The following GRIK2 variants were observed in gnomAD, a reference collection of about 807,000 sequenced individuals.
The protein encoded by GRIK2 is glutamate ionotropic receptor kainate type subunit 2, also known as glutamate receptor ionotropic, kainate 2.
A neutral mutation model predicts 100.3 loss-of-function variants in GRIK2; 32 were observed. That is an observed-to-expected ratio of 0.32 (90% CI 0.24 to 0.43). GRIK2 has a LOEUF of 0.43. Ranked by LOEUF, GRIK2 falls within the 20% of genes least tolerant of loss-of-function variation. The probability of loss-of-function intolerance (pLI) is 1.00; values close to 1 mark genes in which losing one functional copy is unlikely to be tolerated. For missense variants in GRIK2, 843 were observed against 1,114.9 expected, an observed-to-expected ratio of 0.76 and a Z score of 3.47; for synonymous variants, 417 against 389.4, an observed-to-expected ratio of 1.07 and a Z score of -0.83.
intron 9 of GRIK2, among the ~76,000 whole-genome samples, chr6:101,808,167 TATTC>T (rs761202613): frequency 2.0e-5 from 3 of 151,970 alleles, no homozygotes; most frequent in Non-Finnish European, 2.9e-5. Context: ...GTTACAGAAA[TATTC>T]AGGAAGATCT....
chr6:101,815,581 G>A (rs1477414668), intron 9 of GRIK2, among the ~76,000 whole-genome samples: 1 of 150,272 alleles, frequency 6.7e-6, no homozygotes, highest in Non-Finnish European at 1.5e-5. Context: ...AATTCTGTAA[G>A]GTCAACAGTG....
intron 11 of GRIK2, among the ~76,000 whole-genome samples, chr6:101,874,368 T>G (rs932054026): frequency 3.9e-5 from 6 of 152,176 alleles, no homozygotes; most frequent in East Asian, 1.9e-4. Flanking sequence ...TTTCCCCATT[T>G]CTTGTTTTTG....
At chr6:101,845,741 T>C (rs145564528) in intron 10 of GRIK2, among the ~76,000 whole-genome samples, 18 of 152,332 alleles carry the variant, frequency 1.2e-4, no homozygotes, top group Non-Finnish European at 2.2e-4. Context: ...TGCCAATATT[T>C]TTTTTATAGC....
intron 2 of GRIK2, among the ~76,000 whole-genome samples, chr6:101,534,685 A>G (rs1299009515): frequency 6.6e-6 from 1 of 151,836 alleles, no homozygotes; most frequent in Non-Finnish European, 1.5e-5. Context: ...TATCCTATAA[A>G]CCCTCAAAAA....
chr6:101,669,196 TTTAA>T (rs1412518249), intron 4 of GRIK2, among the ~76,000 whole-genome samples: 14 of 152,160 alleles, frequency 9.2e-5, no homozygotes, highest in Non-Finnish European at 1.8e-4. Context: ...AAGGGGACAC[TTTAA>T]TTAAAAGGCT....
At position 101,539,786 on chromosome 6, in the gene GRIK2, A is replaced by AT. The variant is rs1220493349; in HGVS notation, c.116-82154dup. Among the ~76,000 whole-genome samples, 30 of 151,216 alleles carry AT rather than the reference A, an allele frequency of 2.0e-4. No individual in the cohort carries two copies. In the East Asian group the frequency reaches 3.3e-3, roughly 17 times the overall value. On this transcript the variant is annotated intron_variant, in intron 2 of 16. Coordinates refer to ENST00000369134, the MANE Select transcript of GRIK2 (RefSeq NM_021956.5). ...AAAAAAATTTTGTTTTGGCTGTAGG[A>AT]TTTTTTTTTAATTTTAACATACCAG... is the stretch of plus-strand genomic sequence containing the variant.
chr6:101,764,624 G>A (rs545149037), intron 7 of GRIK2, among the ~76,000 whole-genome samples: 1 of 152,154 alleles, frequency 6.6e-6, no homozygotes, highest in South Asian at 2.1e-4. Context: ...GGGAGTTATT[G>A]TAGCCTCCCT....
chr6:102,028,686 C>G (rs1769829803), intron 14 of GRIK2, among the ~76,000 whole-genome samples: 1 of 149,130 alleles, frequency 6.7e-6, no homozygotes, highest in Admixed American at 6.7e-5. Context: ...TGGCTAATTA[C>G]TCTGTATAAT....
intron 7 of GRIK2, among the ~76,000 whole-genome samples, chr6:101,688,549 G>A (rs751968035): frequency 6.6e-6 from 1 of 151,916 alleles, no homozygotes; most frequent in Non-Finnish European, 1.5e-5. Flanking sequence ...GATATTAGGA[G>A]AATTACAAAT....
chr6:101,489,200 T>C (rs1334344219), intron 2 of GRIK2, among the ~76,000 whole-genome samples: 2 of 146,162 alleles, frequency 1.4e-5, no homozygotes, highest in Non-Finnish European at 3.0e-5. Context: ...AACAAGGAGA[T>C]GATACACAGC....
intron 7 of GRIK2, among the ~76,000 whole-genome samples, chr6:101,732,205 G>A (rs1053547463): frequency 6.6e-6 from 1 of 151,526 alleles, no homozygotes. Context: ...AATTGATCTA[G>A]TCCTTTGGGA....
chr6:101,434,377 C>A (rs1436613726), intron 2 of GRIK2, among the ~76,000 whole-genome samples: 1 of 152,148 alleles, frequency 6.6e-6, no homozygotes, highest in East Asian at 1.9e-4. Flanking sequence ...AATTTCAGAG[C>A]TAGAAGGGAT....
intron 2 of GRIK2, among the ~76,000 whole-genome samples, chr6:101,499,181 A>G (rs1410911040): frequency 2.0e-5 from 3 of 152,294 alleles, no homozygotes; most frequent in Admixed American, 6.5e-5. Flanking sequence ...TAATACTGTT[A>G]TAAATACTGT....
At chr6:101,653,773 C>T (rs1382506043) in intron 4 of GRIK2, among the ~76,000 whole-genome samples, 1 of 152,000 alleles carries the variant, frequency 6.6e-6, no homozygotes, top group Non-Finnish European at 1.5e-5. Context: ...TTGCCTGCCA[C>T]CACGCCTGGC....
chr6:101,429,064 G>A (rs1193616984), intron 2 of GRIK2, among the ~76,000 whole-genome samples: 1 of 152,142 alleles, frequency 6.6e-6, no homozygotes, highest in African/African-American at 2.4e-5. Flanking sequence ...ACTAAACATT[G>A]TGTGTTTTGC....
chr6:101,437,365 A>G (rs1769779294), intron 2 of GRIK2, among the ~76,000 whole-genome samples: 1 of 152,260 alleles, frequency 6.6e-6, no homozygotes, highest in African/African-American at 2.4e-5. Context: ...CATAATAGAA[A>G]CATCATGTGG....
At chr6:101,730,642 T>G (rs577030980) in intron 7 of GRIK2, among the ~76,000 whole-genome samples, 3 of 151,562 alleles carry the variant, frequency 2.0e-5, no homozygotes, top group Non-Finnish European at 2.9e-5. Context: ...CCTTTCACCC[T>G]TTTTTGTTTT....
chr6:101,797,356 AG>A (rs1266095191), intron 7 of GRIK2, among the ~76,000 whole-genome samples: 1 of 151,924 alleles, frequency 6.6e-6, no homozygotes, highest in African/African-American at 2.4e-5. Context: ...GGTGGCCAAA[AG>A]CATTCCTGAA....
intron 2 of GRIK2, among the ~76,000 whole-genome samples, chr6:101,513,174 A>G (rs575718318): frequency 6.6e-6 from 1 of 152,248 alleles, no homozygotes; most frequent in East Asian, 1.9e-4. Flanking sequence ...AATCAAATAC[A>G]TTTAAGAAAT....
Sources: gnomAD v4.1 joint callset for allele counts (sites outside exome capture counted in the v4.1 genomes callset) on GRCh38, gnomAD v4.1.1 for gene constraint, MANE v1.5 for transcripts, NCBI Gene and HGNC (gene_info 2026-07-23, HGNC 2026-07-21) for gene names.